Variants in RNF41 observed in about 807,000 individuals in gnomAD.
RNF41 encodes the protein E3 ubiquitin-protein ligase NRDP1.
RNF41 carries 4 observed loss-of-function variants against 33.0 expected under a neutral mutation model. The ratio of observed to expected loss-of-function variants is 0.12; its 90% CI spans 0.06 to 0.28. RNF41 has a LOEUF of 0.28. RNF41 is among the 10% of genes least tolerant of loss of function. RNF41 has a pLI of 1.00. For missense variants in RNF41, 228 were observed against 432.6 expected (o/e 0.53, Z 4.19); for synonymous variants, 164 against 153.2 (o/e 1.07, Z -0.52).
At chr12:56,219,287 G>A (rs1869153439) in intron 1 of RNF41, among the ~76,000 whole-genome samples, 1 of 151,534 alleles carries the variant, frequency 6.6e-6, no homozygotes. Flanking sequence ...CGCCTCCCAG[G>A]TTCACACCAT....
rs1260350216 is a variant in RNF41, at chr12:56,219,348, C to T, written c.-209+2412G>A. 4.0e-5 allele frequency among the ~76,000 whole-genome samples: 6 copies of T among 151,770 alleles called. 1 individual carries two copies. Among genetic ancestry groups the T allele is most frequent in the Admixed American group, 2.0e-4 (3 of 15,220 alleles). On this transcript the variant is annotated intron_variant, in intron 1 of 6. Coordinates refer to ENST00000345093, the MANE Select transcript of RNF41 (RefSeq NM_005785.4). ...CTGGGACTACAGGCGCCCGCCAGGA[C>T]GCCCAGCTAATTTTTTTTTTTTATT...
chr12:56,214,208 C>G (rs1470845906), intron 2 of RNF41, 138 bp from the exon 3 acceptor site: 3 of 612,390 alleles, frequency 4.9e-6, no homozygotes, highest in South Asian at 1.9e-5. Flanking sequence ...TCATTTGGCT[C>G]GGTGGAAGCT....
intron 1 of RNF41, among the ~76,000 whole-genome samples, chr12:56,217,529 C>T (rs965135596): frequency 6.6e-6 from 1 of 152,062 alleles, no homozygotes; most frequent in African/African-American, 2.4e-5. Flanking sequence ...GCCTAGGCGA[C>T]AGAGCAAGAC....
intron 2 of RNF41, 35 bp downstream of exon 2, chr12:56,216,394 G>A (rs1022169178): frequency 1.3e-5 from 2 of 152,216 alleles, no homozygotes; most frequent in African/African-American, 4.8e-5. Context: ...AGAGGGTTGA[G>A]GCCTGGAATG....
In RNF41 at chr12:56,207,707, G is replaced by A. The variant is rs1488986658; in HGVS notation, c.541C>T (p.Arg181Cys). Residue 181 changes from arginine (R) to cysteine (C), a missense_variant, in exon 6 of 7, where the codon CGC becomes TGC. Arg to Cys is a radical substitution (Grantham distance 180). This residue lies in a region of RNF41 where 199 missense variants were observed against 334.6 expected (regional missense o/e 0.59). Coordinates refer to ENST00000345093, the MANE Select transcript of RNF41 (RefSeq NM_005785.4). ...QLLKAYMRAIRSVNPNLQNLE... is the reference protein window; with the variant it reads ...QLLKAYMRAICSVNPNLQNLE... Reference sequence around the variant, plus strand: ...TTCTGAAGGTTGGGGTTGACACTGCGGATTGCACGCATGTATGCCTTTAGC... The same window carrying A: ...TTCTGAAGGTTGGGGTTGACACTGCAGATTGCACGCATGTATGCCTTTAGC... 2.5e-6 allele frequency: 4 copies of A among 1,614,138 alleles called. No individual in the cohort carries two copies. The highest frequency in any genetic ancestry group is 1.7e-5 in the Admixed American group (1 of 60,020).
chr12:56,215,407 T>C (rs1307864530), intron 2 of RNF41, among the ~76,000 whole-genome samples: 1 of 151,496 alleles, frequency 6.6e-6, no homozygotes, highest in African/African-American at 2.4e-5. Context: ...ACTTAGGTGG[T>C]GGTGGTGATG....
intron 1 of RNF41, among the ~76,000 whole-genome samples, chr12:56,220,746 C>A (rs1310750617): frequency 1.3e-5 from 2 of 148,352 alleles, no homozygotes; most frequent in Non-Finnish European, 3.0e-5. Context: ...AAAAAAAAAA[C>A]AAGAATGCAA....
rs1868273030 is a variant in RNF41 at position 56,206,714 on chromosome 12, G to T, written c.687C>A (p.Ile229=). The T allele has an allele frequency of 6.2e-7, 1 of 1,614,168 alleles. No individual in the cohort carries two copies. The highest frequency in any genetic ancestry group is 2.2e-5 in the East Asian group (1 of 44,886). Residue 229 remains isoleucine (I), a synonymous_variant, in exon 7 of 7, where the codon ATC becomes ATA. Transcript: ENST00000345093. The surrounding 1 kb of genome is among the most constrained non-coding windows in gnomAD (Gnocchi z 5.7). ...STPDAVLQAV[I]KRSLVESGCP... is the part of the protein sequence containing the mutation. Reference sequence around the variant, plus strand: ...AGCCACTCTCCACCAGGGAGCGCTTGATTACAGCCTGGAGCACAGCATCAG... The same window carrying T: ...AGCCACTCTCCACCAGGGAGCGCTTTATTACAGCCTGGAGCACAGCATCAG...
chr12:56,217,155 A>G (rs1050010718), intron 1 of RNF41, among the ~76,000 whole-genome samples: 1 of 151,078 alleles, frequency 6.6e-6, no homozygotes, highest in Admixed American at 6.6e-5. Context: ...AAAAAAAAAA[A>G]AAGACAAGAG....
In RNF41 at chr12:56,208,266, T is replaced by C; in HGVS notation, c.395A>G (p.His132Arg). The C allele has an allele frequency of 6.2e-7, 1 of 1,614,184 alleles. No homozygotes were observed. The highest frequency in any genetic ancestry group is 8.5e-7 in the Non-Finnish European group (1 of 1,180,038). The stretch of plus-strand genomic sequence containing the variant: ...TGAGCGCAGGTGCTTAATGCAGTTA[T>C]GGTTGGGCAGCTCATCTTTGGGCAT... Reference protein sequence around the residue: ...LEMPKDELPNHNCIKHLRSVV... With the variant: ...LEMPKDELPNRNCIKHLRSVV... Residue 132 changes from histidine to arginine, a missense_variant, in exon 5 of 7, where the codon CAT (histidine) becomes CGT (arginine). By Grantham distance (29) the His-to-Arg change is conservative. This residue lies in a region of RNF41 where 199 missense variants were observed against 334.6 expected (regional missense o/e 0.59). Coordinates refer to ENST00000345093, the MANE Select transcript of RNF41 (RefSeq NM_005785.4).
chr12:56,219,668 T>TACACACACACACACAC (rs375047200), intron 1 of RNF41, among the ~76,000 whole-genome samples: 8 of 150,554 alleles, frequency 5.3e-5, no homozygotes, highest in African/African-American at 2.0e-4. Flanking sequence ...TATATGTGTA[T>TACACACACACACACAC]ATACACGCGC....
At position 56,214,086 on chromosome 12, in the gene RNF41, GA is replaced by G. The variant is rs779027557; in HGVS notation, c.-23-17del. ...AACCCAGGTCCTGAAAGGACAACAG[GA>G]AAAAGAGGCCAGTTCAGAAGAAGCC... On this transcript the variant is annotated splice_polypyrimidine_tract_variant and intron_variant, in intron 2 of 6. Transcript: ENST00000345093. 2.2e-4 allele frequency: 301 copies of G among 1,370,080 alleles called. 1 individual carries two copies. The African/African-American group carries it at 3.7e-3, about 17-fold the overall frequency. 84.9% of individuals were successfully genotyped at this position (1,370,080 alleles called of 1,614,324 possible).
intron 1 of RNF41, among the ~76,000 whole-genome samples, chr12:56,217,350 G>T (rs895865372): frequency 6.6e-6 from 1 of 151,970 alleles, no homozygotes; most frequent in African/African-American, 2.4e-5. Context: ...AGTCGGAGAT[G>T]AGCCTGGCCA....
At chr12:56,216,112 ACT>A (rs1466444564) in intron 2 of RNF41, among the ~76,000 whole-genome samples, 2 of 151,306 alleles carry the variant, frequency 1.3e-5, no homozygotes, top group Non-Finnish European at 2.9e-5. Context: ...ACAGAGCAAG[ACT>A]CTGTCTCAAA....
At chr12:56,221,523 A>AC (rs1869439021) in intron 1 of RNF41, 1 of 150,368 alleles carries the variant, frequency 6.7e-6, no homozygotes, top group Non-Finnish European at 1.5e-5. Flanking sequence ...CCCCTCCCGC[A>AC]CTTCTCAAAG....
chr12:56,209,977 C>G, intron 4 of RNF41: 1 of 339,798 alleles, frequency 2.9e-6, no homozygotes, highest in Non-Finnish European at 5.5e-6. Flanking sequence ...TATGAGAAGG[C>G]TGGCAATTAT....
intron 4 of RNF41, among the ~76,000 whole-genome samples, chr12:56,209,783 T>C (rs1868360695): frequency 6.6e-6 from 1 of 152,224 alleles, no homozygotes; most frequent in Admixed American, 6.6e-5. Context: ...TTTGTATTTT[T>C]AGTAGAGACA....
chr12:56,205,957 G>A lies in RNF41; in HGVS notation c.*490C>T, dbSNP rs1364328716. 1 of 160,868 alleles carries A rather than the reference G, an allele frequency of 6.2e-6. No homozygotes were observed. The highest frequency in any genetic ancestry group is 2.4e-5 in the African/African-American group (1 of 41,492). 10.0% of individuals were successfully genotyped at this position (160,868 alleles called of 1,614,324 possible). ...CAGTCTTTCCCTAAGGGCCATCAGT[G>A]ATGGCCAATTAACGGCCTCACTACT... On this transcript the variant is annotated 3_prime_UTR_variant, in exon 7 of 7. Transcript: ENST00000345093.
chr12:56,204,498 G>C lies in RNF41; in HGVS notation c.*1949C>G, dbSNP rs1427379076. 1.3e-5 allele frequency: 2 copies of C among 152,258 alleles called. No homozygotes were observed. The allele number at this position is 152,258 out of a possible 1,614,324, so 9.4% of individuals were successfully genotyped here. On this transcript the variant is annotated 3_prime_UTR_variant, in exon 7 of 7. Coordinates refer to ENST00000345093, the MANE Select transcript of RNF41 (RefSeq NM_005785.4). ...TCTCAAGAAAGGGAGTAATGCTGAAGAATTTAGAGAGTTGAGTAAAAGGTT... is the reference window on the plus strand; with the variant it reads ...TCTCAAGAAAGGGAGTAATGCTGAACAATTTAGAGAGTTGAGTAAAAGGTT...
Sources: gnomAD v4.1 joint callset for allele counts (sites outside exome capture counted in the v4.1 genomes callset) on GRCh38, gnomAD v4.1.1 for gene constraint, gnomAD v4.1.1 regional missense constraint, Gnocchi (gnomAD v3.1) non-coding constraint, MANE v1.5 for transcripts, NCBI Gene and HGNC (gene_info 2026-07-23, HGNC 2026-07-21) for gene names.